NLRP2: variants seen among roughly 807,000 people sequenced by gnomAD.
The protein encoded by NLRP2 is NACHT, LRR and PYD domains-containing protein 2.
A neutral mutation model predicts 97.2 loss-of-function variants in NLRP2; 107 were observed. The observed-to-expected ratio is 1.10, with a 90% CI of 0.94 to 1.29. NLRP2 has a LOEUF of 1.29. Ranked by LOEUF, NLRP2 falls within the 50% of genes most tolerant of loss-of-function variation. The pLI is 0.00. For synonymous variants in NLRP2, 663 were observed against 551.5 expected (o/e 1.20, Z -2.83); for missense variants, 1,495 against 1,330.3 (o/e 1.12, Z -1.93).
At chr19:55,000,664 C>A in intron 12 of NLRP2, 96 bp from the exon 13 acceptor site, 1 of 1,239,834 alleles carries the variant, frequency 8.1e-7, no homozygotes, top group Non-Finnish European at 1.2e-6. Context: ...GTGACCCATG[C>A]CCTGTGCCTC....
intron 7 of NLRP2, among the ~76,000 whole-genome samples, 164 bp downstream of exon 7, chr19:54,985,381 A>G (rs759433773): frequency 3.3e-5 from 5 of 152,206 alleles, no homozygotes. Flanking sequence ...ATAATCGTAT[A>G]AAGTAATTTC....
chr19:54,969,080 C>A (rs1251799157), intron 1 of NLRP2, among the ~76,000 whole-genome samples: 4 of 152,126 alleles, frequency 2.6e-5, no homozygotes, highest in Admixed American at 6.6e-5. Context: ...TCCCCACTTC[C>A]TTATCTGATC....
At chr19:54,992,123 G>A (rs1183577389) in intron 10 of NLRP2, among the ~76,000 whole-genome samples, 1 of 151,420 alleles carries the variant, frequency 6.6e-6, no homozygotes, top group Non-Finnish European at 1.5e-5. Context: ...CACCATGTTG[G>A]CCAGGTTGGT....
chr19:54,984,936 T>C, intron 6 of NLRP2, 111 bp from the exon 7 acceptor site: 1 of 997,314 alleles, frequency 1.0e-6, no homozygotes, highest in Non-Finnish European at 1.6e-6. Flanking sequence ...GATTACATGG[T>C]CCAGCTTTCA....
At chr19:54,971,231 T>C (rs2070834354) in intron 2 of NLRP2, among the ~76,000 whole-genome samples, 1 of 151,058 alleles carries the variant, frequency 6.6e-6, no homozygotes, top group African/African-American at 2.4e-5. Context: ...TTGTTGGACA[T>C]TTGGGTTGGT....
chr19:54,986,435 C>G, intron 8 of NLRP2, 120 bp downstream of exon 8: 1 of 858,744 alleles, frequency 1.2e-6, no homozygotes, highest in East Asian at 2.5e-5. Flanking sequence ...GTACTAAGGG[C>G]AGATGACCCA....
In NLRP2 at chr19:54,993,191, C is replaced by CCT. The variant is rs536639055; in HGVS notation, c.2709-1077_2709-1076dup. Reference sequence around the variant, plus strand: ...CTGAGATTGTGCCACTGTACTCCAGCCTGGGTGTCAGAGCGAGACTGTCTC... The same window carrying CCT: ...CTGAGATTGTGCCACTGTACTCCAGCCTCTGGGTGTCAGAGCGAGACTGTCTC... On this transcript the variant is annotated intron_variant, in intron 10 of 12. Coordinates refer to ENST00000448584, the MANE Select transcript of NLRP2 (RefSeq NM_017852.5). 4.3e-4 allele frequency: 65 copies of CCT among 149,672 alleles called. 1 individual carries two copies. Among genetic ancestry groups the CCT allele is most frequent in the African/African-American group, 1.6e-3 (64 of 40,400 alleles). The allele number at this position is 149,672 out of a possible 1,614,324, so 9.3% of individuals were successfully genotyped here.
In NLRP2 at chr19:55,000,832, GATT is replaced by G. The variant is rs1181438835; in HGVS notation, c.3127_3129del (p.Ile1043del). The stretch of plus-strand genomic sequence containing the variant: ...AAATAGAAGAAAAAAACCCACAACT[GATT>G]ATTGATACTGAGAAACATCATCCCT... On this transcript the variant is annotated inframe_deletion, in exon 13 of 13. Coordinates refer to ENST00000448584, the MANE Select transcript of NLRP2 (RefSeq NM_017852.5). 6.2e-7 allele frequency: 1 copy of G among 1,613,366 alleles called. No homozygotes were observed. Among genetic ancestry groups the G allele is most frequent in the Non-Finnish European group, 8.5e-7 (1 of 1,179,392 alleles).
At position 54,983,373 on chromosome 19, in the gene NLRP2, G is replaced by C; in HGVS notation, c.1675G>C (p.Gly559Arg). 1.2e-6 allele frequency: 2 copies of C among 1,614,184 alleles called. No homozygotes were observed. Among genetic ancestry groups the C allele is most frequent in the Non-Finnish European group, 1.7e-6 (2 of 1,180,032 alleles). Residue 559 changes from glycine (G) to arginine (R), a missense_variant, in exon 6 of 13, where the codon GGC (glycine) becomes CGC (arginine). Coordinates refer to ENST00000448584, the MANE Select transcript of NLRP2 (RefSeq NM_017852.5). Reference sequence around the variant, plus strand: ...GATCCAAGCAGGCTACTACTCCTTTGGCCTCGCTAACGAGAAGAGAGCCAA... The same window carrying C: ...GATCCAAGCAGGCTACTACTCCTTTCGCCTCGCTAACGAGAAGAGAGCCAA... ...DLIQAGYYSFGLANEKRAKEL... is the reference protein window; with the variant it reads ...DLIQAGYYSFRLANEKRAKEL...
rs781161777 is a variant in NLRP2, at chr19:54,986,266, G to T, written c.2317G>T (p.Ala773Ser). The part of the protein sequence containing the change: ...QGNDQDDMFP[A>S]LCEVLRHPEC... ...CAATGACCAGGATGATATGTTTCCC[G>T]CATTGTGTGAGGTCTTGAGACATCC... Residue 773 changes from alanine to serine, a missense_variant, in exon 8 of 13, where the codon GCA becomes TCA. Ala to Ser is a moderately conservative substitution (Grantham distance 99). Coordinates refer to ENST00000448584, the MANE Select transcript of NLRP2 (RefSeq NM_017852.5). The T allele has an allele frequency of 1.9e-6, 3 of 1,613,938 alleles. No homozygotes were observed. The highest frequency in any genetic ancestry group is 1.1e-5 in the South Asian group (1 of 91,078).
chr19:54,989,701 C>G (rs777580818), intron 8 of NLRP2: 1 of 456,632 alleles, frequency 2.2e-6, no homozygotes, highest in Non-Finnish European at 4.0e-6. Flanking sequence ...ATGACTTGTT[C>G]TGCCGGGCGC....
chr19:54,985,825 C>T (rs1250602535), intron 7 of NLRP2, among the ~76,000 whole-genome samples: 2 of 152,138 alleles, frequency 1.3e-5, no homozygotes, highest in Admixed American at 6.6e-5. Context: ...GTGCAAGACC[C>T]TGTCTCTACG....
chr19:54,983,854 G>A (rs966682408), intron 6 of NLRP2, 126 bp downstream of exon 6: 1 of 1,320,668 alleles, frequency 7.6e-7, no homozygotes, highest in Admixed American at 1.8e-5. Flanking sequence ...TGGACTCTTT[G>A]TTTGTTTTTG....
chr19:54,990,635 G>T lies in NLRP2; in HGVS notation c.2671G>T (p.Gly891Cys), dbSNP rs1318629301. 1.9e-6 allele frequency: 3 copies of T among 1,614,034 alleles called. No homozygotes were observed. The highest frequency in any genetic ancestry group is 2.5e-6 in the Non-Finnish European group (3 of 1,180,046). The change falls in exon 10 of 13, where the codon GGC (glycine) becomes TGC (cysteine). Residue 891 changes from glycine (G) to cysteine (C), a missense_variant. Physicochemically the swap from Gly to Cys is radical, Grantham distance 159. Transcript: ENST00000448584. The stretch of plus-strand genomic sequence containing the variant: ...TACAGGGGTGAAGTTTCTGTGTGAG[G>T]GCTTGAGGTACCCCGAGTGTAAACT... ...GNTGVKFLCE[G>C]LRYPECKLQT...
At chr19:54,987,186 G>A (rs544599885) in intron 8 of NLRP2, among the ~76,000 whole-genome samples, 11 of 118,098 alleles carry the variant, frequency 9.3e-5, no homozygotes, top group South Asian at 3.0e-4. Flanking sequence ...ATGAGCCACC[G>A]TGCCCAGCCC....
intron 2 of NLRP2, chr19:54,974,226 T>C (rs1004133638): frequency 1.0e-5 from 6 of 584,426 alleles, no homozygotes; most frequent in African/African-American, 7.5e-5. Flanking sequence ...TGGTGGTGTA[T>C]GCCTATAGTC....
Position 54,975,106 on chromosome 19 carries a change from G to GTT in NLRP2, c.325+598_325+599dup, listed in dbSNP as rs558518586. Among the ~76,000 whole-genome samples the GTT allele has an allele frequency of 1.2e-3, 68 of 58,704 alleles. 14 individuals are homozygous for GTT. The highest frequency in any genetic ancestry group is 1.7e-3 in the Non-Finnish European group (49 of 28,946). The allele number at this position is 58,704 out of a possible 152,430, so 38.5% of individuals were successfully genotyped here. Reference sequence around the variant, plus strand: ...ATGAGCCACCACCACACCCGGTTTTGTTTTTTTTTTTTTTTTTTTTTTTTT... The same window carrying GTT: ...ATGAGCCACCACCACACCCGGTTTTGTTTTTTTTTTTTTTTTTTTTTTTTTTT... On this transcript the variant is annotated intron_variant, in intron 3 of 12. Coordinates refer to ENST00000448584, the MANE Select transcript of NLRP2 (RefSeq NM_017852.5).
chr19:54,986,001 C>G (rs1432425425), intron 7 of NLRP2, 150 bp from the exon 8 acceptor site: 8 of 682,096 alleles, frequency 1.2e-5, no homozygotes, highest in African/African-American at 1.8e-5. Context: ...GACTCCATCT[C>G]AAAGAAAAAA....
At chr19:55,000,729 A>G (rs760584825) in intron 12 of NLRP2, 31 bp from the exon 13 acceptor site, 1 of 1,612,032 alleles carries the variant, frequency 6.2e-7, no homozygotes, top group South Asian at 1.1e-5. Context: ...TGATGCACAA[A>G]GTAACCTTTT....
Sources: allele counts gnomAD v4.1 joint callset (sites outside exome capture counted in the v4.1 genomes callset), GRCh38; gene constraint gnomAD v4.1.1; transcripts MANE v1.5; gene names NCBI Gene and HGNC (gene_info 2026-07-23, HGNC 2026-07-21).